The following SH3GL2 variants were observed in gnomAD, a reference collection of about 807,000 sequenced individuals.
SH3GL2 encodes endophilin-A1.
Under a neutral mutation model 46.0 loss-of-function variants are expected in SH3GL2, and 24 were observed. The observed-to-expected ratio is 0.52, with a 90% confidence interval of 0.38 to 0.73. SH3GL2 has a LOEUF of 0.73. Ranked by LOEUF, SH3GL2 falls within the 30% of genes least tolerant of loss-of-function variation. The pLI is 0.00. For synonymous variants in SH3GL2, 196 were observed against 147.1 expected (o/e 1.33, Z -2.40); for missense variants, 413 against 424.2 (o/e 0.97, Z 0.23).
In SH3GL2 at chr9:17,738,626, T is replaced by TTTTATATATATATA. The variant is rs58272546; in HGVS notation, c.46-8439_46-8438insTTATATATATATAT. ...TTTCAAGGAATTGCCTCATGTGATT[T>TTTTATATATATATA]TATATATATATATATAGAGAGAGAG... is the stretch of plus-strand genomic sequence containing the variant. On this transcript the variant is annotated intron_variant, in intron 1 of 8. Transcript: ENST00000380607. Among the ~76,000 whole-genome samples, 107 of 74,804 alleles carry TTTTATATATATATA rather than the reference T, an allele frequency of 1.4e-3. 1 individual carries two copies. In the Middle Eastern group the frequency reaches 0.027, roughly 19 times the overall value. 49.1% of individuals were successfully genotyped at this position (74,804 alleles called of 152,430 possible).
Position 17,579,183 on chromosome 9 carries a change from T to A in SH3GL2, c.-60T>A. 7.5e-7 allele frequency: 1 copy of A among 1,331,772 alleles called. No individual in the cohort carries two copies. The highest frequency in any genetic ancestry group is 1.3e-5 in the South Asian group (1 of 76,054). 82.5% of individuals were successfully genotyped at this position (1,331,772 alleles called of 1,614,324 possible). On this transcript the variant is annotated 5_prime_UTR_variant, in exon 1 of 9. Coordinates refer to ENST00000380607, the MANE Select transcript of SH3GL2 (RefSeq NM_003026.5). ...GGGAGCGCGCCGCCCCGCTCGGCCC[T>A]CCAGTCCCCCTCCGCCTCCTCCCTC... is the stretch of plus-strand genomic sequence containing the variant.
At chr9:17,764,353 G>A (rs1276833990) in intron 3 of SH3GL2, among the ~76,000 whole-genome samples, 1 of 152,208 alleles carries the variant, frequency 6.6e-6, no homozygotes, top group Non-Finnish European at 1.5e-5. Context: ...TGGCCATAGA[G>A]CCCAGACCAG....
At chr9:17,668,493 G>C (rs969169609) in intron 1 of SH3GL2, among the ~76,000 whole-genome samples, 2 of 152,130 alleles carry the variant, frequency 1.3e-5, no homozygotes, top group Admixed American at 1.3e-4. Context: ...CCATGCTCAA[G>C]TTTGAATATT....
chr9:17,706,127 A>T (rs73645146), intron 1 of SH3GL2, among the ~76,000 whole-genome samples: 24,858 of 151,982 alleles, frequency 0.16, 3,253 homozygotes, highest in African/African-American at 0.35. Context: ...TCTAAATAAA[A>T]CTTAGATTTG....
chr9:17,592,740 A>T lies in SH3GL2; in HGVS notation c.45+13453A>T, dbSNP rs552212051. ...CGTCTCCCTGTTTCCTCACAGAAAA[A>T]AAACCTCTAAAACCCATGGGATCAT... On this transcript the variant is annotated intron_variant, in intron 1 of 8. Transcript: ENST00000380607. 9.6e-4 allele frequency among the ~76,000 whole-genome samples: 146 copies of T among 152,202 alleles called. 1 individual carries two copies. Among genetic ancestry groups the T allele is most frequent in the African/African-American group, 3.3e-3 (139 of 41,498 alleles).
At chr9:17,680,770 G>A (rs1820746302) in intron 1 of SH3GL2, among the ~76,000 whole-genome samples, 1 of 151,970 alleles carries the variant, frequency 6.6e-6, no homozygotes, top group Non-Finnish European at 1.5e-5. Context: ...GGCATTTAGT[G>A]CTATAAATTT....
chr9:17,752,250 A>C (rs568206238), intron 2 of SH3GL2, among the ~76,000 whole-genome samples: 3 of 152,124 alleles, frequency 2.0e-5, no homozygotes, highest in Non-Finnish European at 4.4e-5. Context: ...CCTTCCCAGG[A>C]CACGGTTTTC....
At chr9:17,702,074 C>G (rs1218797955) in intron 1 of SH3GL2, among the ~76,000 whole-genome samples, 3 of 151,944 alleles carry the variant, frequency 2.0e-5, no homozygotes, top group Admixed American at 6.6e-5. Flanking sequence ...TAGTGTATTA[C>G]TAGTTCATGA....
chr9:17,755,109 G>A (rs1346723320), intron 2 of SH3GL2, among the ~76,000 whole-genome samples: 4 of 152,172 alleles, frequency 2.6e-5, no homozygotes, highest in South Asian at 2.1e-4. Flanking sequence ...TCAGTATGAT[G>A]TTGGATATGG....
intron 1 of SH3GL2, among the ~76,000 whole-genome samples, chr9:17,695,382 T>C (rs1821177526): frequency 6.6e-6 from 1 of 152,158 alleles, no homozygotes; most frequent in Non-Finnish European, 1.5e-5. Flanking sequence ...TCAGCAAATA[T>C]TGAAGATTTT....
chr9:17,744,671 T>A (rs569793654), intron 1 of SH3GL2, among the ~76,000 whole-genome samples: 1 of 152,284 alleles, frequency 6.6e-6, no homozygotes, highest in African/African-American at 2.4e-5. Context: ...CCTGGCCTAG[T>A]AGGTTCTTAA....
chr9:17,629,458 C>T (rs1819369793), intron 1 of SH3GL2, among the ~76,000 whole-genome samples: 1 of 152,104 alleles, frequency 6.6e-6, no homozygotes, highest in Non-Finnish European at 1.5e-5. Context: ...ATTTTCCATT[C>T]ACAAATTGCT....
intron 3 of SH3GL2, among the ~76,000 whole-genome samples, chr9:17,785,164 A>G (rs1003264782): frequency 6.6e-6 from 1 of 152,192 alleles, no homozygotes; most frequent in Admixed American, 6.5e-5. Context: ...ACTTAAAGAT[A>G]CTTCCCTCCA....
At chr9:17,726,669 C>G (rs925098533) in intron 1 of SH3GL2, among the ~76,000 whole-genome samples, 10 of 152,078 alleles carry the variant, frequency 6.6e-5, no homozygotes, top group African/African-American at 2.4e-4. Context: ...TATGCCTAGG[C>G]AGGCTATAAA....
intron 1 of SH3GL2, among the ~76,000 whole-genome samples, chr9:17,715,995 A>AC (rs1182989221): frequency 1.3e-5 from 2 of 152,068 alleles, no homozygotes; most frequent in Non-Finnish European, 2.9e-5. Context: ...AATGTGTATC[A>AC]CCTTTGCACT....
intron 7 of SH3GL2, among the ~76,000 whole-genome samples, chr9:17,792,820 T>C (rs749983723): frequency 2.4e-4 from 37 of 152,230 alleles, no homozygotes; most frequent in Non-Finnish European, 4.4e-4. Context: ...TTTGTAGATA[T>C]CTCTGACAGT....
chr9:17,590,443 C>T (rs1818460302), intron 1 of SH3GL2: 1 of 152,160 alleles, frequency 6.6e-6, no homozygotes, highest in Non-Finnish European at 1.5e-5. Context: ...TTCTGTCTCC[C>T]ATTTCACTTT....
At position 17,721,492 on chromosome 9, in the gene SH3GL2, T is replaced by A. The variant is rs111772994; in HGVS notation, c.46-25574T>A. On this transcript the variant is annotated intron_variant, in intron 1 of 8. Coordinates refer to ENST00000380607, the MANE Select transcript of SH3GL2 (RefSeq NM_003026.5). ...CATATAATAAATATATTTTCCATCA[T>A]TTTAAATGGTTGCTGTGTGTTCCAT... Among the ~76,000 whole-genome samples, 1,049 of 152,248 alleles carry A rather than the reference T, an allele frequency of 6.9e-3. 12 individuals are homozygous for A. The highest frequency in any genetic ancestry group is 0.024 in the African/African-American group (1,000 of 41,566).
At chr9:17,792,069 C>T (rs1399890478) in intron 7 of SH3GL2, among the ~76,000 whole-genome samples, 1 of 152,144 alleles carries the variant, frequency 6.6e-6, no homozygotes, top group East Asian at 1.9e-4. Context: ...AAAGGGTCAC[C>T]TCAGCAAGCT....
Sources: allele counts gnomAD v4.1 joint callset (sites outside exome capture counted in the v4.1 genomes callset), GRCh38; gene constraint gnomAD v4.1.1; transcripts MANE v1.5; gene names NCBI Gene and HGNC (gene_info 2026-07-23, HGNC 2026-07-21).